RELT: variants seen among roughly 807,000 people sequenced by gnomAD.
The protein encoded by RELT is tumor necrosis factor receptor superfamily member 19L.
RELT carries 37 observed loss-of-function variants against 51.1 expected under a neutral mutation model. The ratio of observed to expected loss-of-function variants is 0.72; its 90% CI spans 0.56 to 0.95. RELT has a LOEUF of 0.95. RELT is among the 40% of genes least tolerant of loss of function. The probability of loss-of-function intolerance (pLI) is 0.00; values close to 1 mark genes in which losing one functional copy is unlikely to be tolerated. For missense variants in RELT, 535 were observed against 572.6 expected, an observed-to-expected ratio of 0.93 and a Z score of 0.67; for synonymous variants, 241 against 235.7, an observed-to-expected ratio of 1.02 and a Z score of -0.21.
chr11:73,393,389 A>G, intron 6 of RELT: 1 of 1,152,144 alleles, frequency 8.7e-7, no homozygotes, highest in Non-Finnish European at 1.1e-6. Context: ...TTTGGGCCCA[A>G]AGCTGACTAG....
chr11:73,380,008 C>T lies in RELT; in HGVS notation c.-26+3509C>T, dbSNP rs117231641. On this transcript the variant is annotated intron_variant, in intron 1 of 10. Coordinates refer to ENST00000064780, the MANE Select transcript of RELT (RefSeq NM_152222.2). ...TTGGCCATCCAGACTATAGCCCCAG[C>T]TCCACCTCACCCAGGAAGCCCTCCT... Among the ~76,000 whole-genome samples, 85 of 152,338 alleles carry T rather than the reference C, an allele frequency of 5.6e-4. No homozygotes were observed. The East Asian group carries it at 0.016, about 28-fold the overall frequency.
Position 73,396,500 on chromosome 11 carries a change from C to G in RELT, c.*1009C>G, listed in dbSNP as rs1216804715. The G allele has an allele frequency of 2.0e-5, 3 of 152,312 alleles. No homozygotes were observed. Among genetic ancestry groups the G allele is most frequent in the Non-Finnish European group, 4.4e-5 (3 of 68,102 alleles). 9.4% of individuals were successfully genotyped at this position (152,312 alleles called of 1,614,324 possible). On this transcript the variant is annotated 3_prime_UTR_variant, in exon 11 of 11. Transcript: ENST00000064780. The stretch of plus-strand genomic sequence containing the variant: ...CTGACTTCCACTCTGGCTCAGCAAC[C>G]TGGTTATTTATGTGGGGCCGTGCAG...
intron 1 of RELT, among the ~76,000 whole-genome samples, chr11:73,387,736 C>T (rs1356719716): frequency 2.0e-5 from 3 of 152,132 alleles, no homozygotes; most frequent in African/African-American, 7.2e-5. Context: ...GATCGGTTTC[C>T]TGGGCTGCTA....
At chr11:73,391,756 G>T (rs1590736608) in intron 5 of RELT, among the ~76,000 whole-genome samples, 1 of 152,128 alleles carries the variant, frequency 6.6e-6, no homozygotes, top group Non-Finnish European at 1.5e-5. Flanking sequence ...TCCAGCCTGG[G>T]CAACAAGTGA....
At position 73,394,212 on chromosome 11, in the gene RELT, G is replaced by T; in HGVS notation, c.707-24G>T. On this transcript the variant is annotated intron_variant, in intron 7 of 10. Transcript: ENST00000064780. The surrounding 1 kb of genome is among the most constrained non-coding windows in gnomAD (Gnocchi z 4.9). ...GGTGTGTCCCATATGGCCACAGTGA[G>T]GGTCTGACTGCAGCTACCCACAGAG... 6.3e-7 allele frequency: 1 copy of T among 1,581,080 alleles called. No individual in the cohort carries two copies. The highest frequency in any genetic ancestry group is 1.1e-5 in the South Asian group (1 of 87,648).
chr11:73,392,501 C>T (rs376426624), intron 6 of RELT, 33 bp downstream of exon 6: 88 of 1,596,704 alleles, frequency 5.5e-5, no homozygotes, highest in East Asian at 1.1e-4. Context: ...GTGGGAAGGA[C>T]GGGGGCACGA....
At position 73,381,138 on chromosome 11, in the gene RELT, G is replaced by T. The variant is rs116799670; in HGVS notation, c.-26+4639G>T. Among the ~76,000 whole-genome samples, 1,460 of 152,300 alleles carry T rather than the reference G, an allele frequency of 9.6e-3. 19 individuals carry two copies. Among genetic ancestry groups the T allele is most frequent in the African/African-American group, 0.033 (1,389 of 41,556 alleles). ...ACTGGGATCCAAACCCAGGTCTGCT[G>T]GCCTTGAAGACCAGAGTTCTTTCCT... On this transcript the variant is annotated intron_variant, in intron 1 of 10. Coordinates refer to ENST00000064780, the MANE Select transcript of RELT (RefSeq NM_152222.2).
rs769740827 is a variant in RELT at position 73,395,454 on chromosome 11, A to T, written c.1256A>T (p.Tyr419Phe). 2 of 840,214 alleles carry T rather than the reference A, an allele frequency of 2.4e-6. No individual in the cohort carries two copies. Among genetic ancestry groups the T allele is most frequent in the South Asian group, 2.6e-5 (2 of 75,814 alleles). The allele number at this position is 840,214 out of a possible 1,614,324, so 52.0% of individuals were successfully genotyped here. A position where few individuals can be genotyped will look rare whatever the true frequency, so the allele number is the denominator to read the frequency against. Residue 419 changes from tyrosine to phenylalanine, a missense_variant, in exon 11 of 11, where the codon TAT (tyrosine) becomes TTT (phenylalanine). By Grantham distance (22) the Tyr-to-Phe change is conservative. Transcript: ENST00000064780. Reference protein sequence around the residue: ...PAENKAEENRYVVRLSESNLV... With the variant: ...PAENKAEENRFVVRLSESNLV... ...ACCCCTGCCCACCAGGAGAACCGCTATGTGGTCCGGCTAAGTGAGAGCAAC... is the reference window on the plus strand; with the variant it reads ...ACCCCTGCCCACCAGGAGAACCGCTTTGTGGTCCGGCTAAGTGAGAGCAAC...
intron 1 of RELT, among the ~76,000 whole-genome samples, chr11:73,377,401 G>A (rs563983046): frequency 6.6e-6 from 1 of 152,198 alleles, no homozygotes; most frequent in African/African-American, 2.4e-5. Flanking sequence ...CAGGAGACAA[G>A]GGTCTCCAGG....
At chr11:73,382,991 C>A (rs1183887013) in intron 1 of RELT, among the ~76,000 whole-genome samples, 1 of 152,168 alleles carries the variant, frequency 6.6e-6, no homozygotes, top group African/African-American at 2.4e-5. Flanking sequence ...TAGCCTCAGC[C>A]CCACCCCATC....
rs539400224 is a variant in RELT at position 73,395,704 on chromosome 11, G to A, written c.*213G>A. On this transcript the variant is annotated 3_prime_UTR_variant, in exon 11 of 11. Coordinates refer to ENST00000064780, the MANE Select transcript of RELT (RefSeq NM_152222.2). The stretch of plus-strand genomic sequence containing the variant: ...TGTGTACAGGAGCAGGCTGAGCCCC[G>A]CCCCTGGCCCTGCTGCCATGTTGCT... 1.7e-5 allele frequency: 10 copies of A among 585,640 alleles called. 1 individual carries two copies. Among genetic ancestry groups the A allele is most frequent in the Middle Eastern group, 9.0e-4 (2 of 2,226 alleles). 36.3% of individuals were successfully genotyped at this position (585,640 alleles called of 1,614,324 possible). A position where few individuals can be genotyped will look rare whatever the true frequency, so the allele number is the denominator to read the frequency against.
At chr11:73,391,057 G>A in intron 4 of RELT, 87 bp from the exon 5 acceptor site, 1 of 1,523,066 alleles carries the variant, frequency 6.6e-7, no homozygotes, top group Non-Finnish European at 9.1e-7. Context: ...GACCACGGAG[G>A]GTGCCTGGTA....
rs1866169844 is a variant in RELT at position 73,389,099 on chromosome 11, C to T, written c.-25-13C>T. 1.4e-6 allele frequency: 2 copies of T among 1,461,314 alleles called. No individual in the cohort carries two copies. Among genetic ancestry groups the T allele is most frequent in the Non-Finnish European group, 1.9e-6 (2 of 1,071,698 alleles). 90.5% of individuals were successfully genotyped at this position (1,461,314 alleles called of 1,614,324 possible). On this transcript the variant is annotated splice_polypyrimidine_tract_variant and intron_variant, in intron 1 of 10. Transcript: ENST00000064780. The stretch of plus-strand genomic sequence containing the variant: ...CCTGCCGCTCTGCCGAGCCTCCTCT[C>T]CATCTGCCCTAGGCCGGCGACCACC...
At chr11:73,378,023 TA>T (rs1455512620) in intron 1 of RELT, among the ~76,000 whole-genome samples, 2 of 152,284 alleles carry the variant, frequency 1.3e-5, no homozygotes, top group African/African-American at 4.8e-5. Flanking sequence ...CCCAAATCCA[TA>T]GACATTCACT....
chr11:73,392,172 C>G, intron 5 of RELT, 39 bp from the exon 6 acceptor site: 1 of 1,599,660 alleles, frequency 6.3e-7, no homozygotes, highest in African/African-American at 1.3e-5. Context: ...GTTTGTGTCA[C>G]TCTGCTTTTG....
At position 73,392,464 on chromosome 11, in the gene RELT, C is replaced by A; in HGVS notation, c.621C>A (p.Gly207=). 6.2e-7 allele frequency: 1 copy of A among 1,611,550 alleles called. No homozygotes were observed. ...TCGGGCCCGGCCCTGGAGGTGGAGG[C>A]AGTGGTGAGGCCCAGCTGGGGTCCA... ...KEVGPGPGGG[G]SGINPAYRTE... The change falls in exon 6 of 11, where the codon GGC becomes GGA. Residue 207 remains glycine, a synonymous_variant. Coordinates refer to ENST00000064780, the MANE Select transcript of RELT (RefSeq NM_152222.2).
rs1306073014 is a variant in RELT, at chr11:73,394,756, C to G, written c.1046+22C>G. 6.3e-7 allele frequency: 1 copy of G among 1,599,700 alleles called. No individual in the cohort carries two copies. Among genetic ancestry groups the G allele is most frequent in the East Asian group, 2.2e-5 (1 of 44,774 alleles). ...GCAGGTGAGATGGGCACAGATGCAG[C>G]AGGGGCAGGTAAAGACGTGACAGCC... On this transcript the variant is annotated intron_variant, in intron 9 of 10. Coordinates refer to ENST00000064780, the MANE Select transcript of RELT (RefSeq NM_152222.2). This position sits in a 1 kb window ranked among gnomAD's most constrained non-coding sequence, Gnocchi z 4.9.
intron 6 of RELT, chr11:73,393,614 G>T (rs576984574): frequency 1.3e-5 from 19 of 1,500,948 alleles, no homozygotes; most frequent in Non-Finnish European, 1.7e-5. Flanking sequence ...CTATGCACCC[G>T]GGCTGTTGGG....
chr11:73,390,416 T>C, intron 2 of RELT, 135 bp from the exon 3 acceptor site: 2 of 738,850 alleles, frequency 2.7e-6, no homozygotes, highest in Non-Finnish European at 4.7e-6. Flanking sequence ...GTTAGAAGAG[T>C]GTGTCCCTGA....
Sources: allele counts gnomAD v4.1 joint callset (sites outside exome capture counted in the v4.1 genomes callset), GRCh38; gene constraint gnomAD v4.1.1; non-coding constraint Gnocchi (gnomAD v3.1); transcripts MANE v1.5; gene names NCBI Gene and HGNC (gene_info 2026-07-23, HGNC 2026-07-21).